Variants in CD59 observed in about 807,000 individuals in gnomAD.
CD59 encodes the protein CD59 glycoprotein.
In CD59, 3 loss-of-function variants were observed where a neutral mutation model predicts 7.0. That is an observed-to-expected ratio of 0.43 (90% confidence interval 0.19 to 1.10). CD59 has a LOEUF of 1.10. CD59 is among the 50% of genes least tolerant of loss of function. The pLI is 0.29. For missense variants in CD59, 143 were observed against 151.0 expected, an observed-to-expected ratio of 0.95 and a Z score of 0.28; for synonymous variants, 60 against 62.0, an observed-to-expected ratio of 0.97 and a Z score of 0.15.
intron 3 of CD59, among the ~76,000 whole-genome samples, chr11:33,716,860 C>T (rs1356200358): frequency 1.3e-5 from 2 of 152,194 alleles, no homozygotes; most frequent in East Asian, 3.9e-4. Context: ...CTTGAGTCTC[C>T]TCAGGACTCT....
rs1042713656 is a variant in CD59 at position 33,709,181 on chromosome 11, G to T, written c.*945C>A. On this transcript the variant is annotated 3_prime_UTR_variant, in exon 4 of 4. Transcript: ENST00000642928. The stretch of plus-strand genomic sequence containing the variant: ...GCTAGGAGTTAGCAGGAGGCTGGAT[G>T]CAGATGGTAAAACATACCCCTGCAG... 27 of 152,256 alleles carry T rather than the reference G, an allele frequency of 1.8e-4. No individual in the cohort carries two copies. The highest frequency in any genetic ancestry group is 6.5e-4 in the African/African-American group (27 of 41,460). 9.4% of individuals were successfully genotyped at this position (152,256 alleles called of 1,614,324 possible).
Position 33,717,447 on chromosome 11 carries a change from C to T in CD59, c.92G>A (p.Cys31Tyr), listed in dbSNP as rs1853848553. ...HSGHSLQCYNCPNPTADCKTA... is the reference protein window; with the variant it reads ...HSGHSLQCYNYPNPTADCKTA... ...TTTGCAGTCAGCAGTTGGGTTAGGA[C>T]AGTTGTAGCACTGCAGGCTATGACC... is the stretch of plus-strand genomic sequence containing the variant. Residue 31 changes from cysteine to tyrosine, a missense_variant, in exon 3 of 4, where the codon TGT becomes TAT. Coordinates refer to ENST00000642928, the MANE Select transcript of CD59 (RefSeq NM_000611.6). 6.2e-7 allele frequency: 1 copy of T among 1,612,108 alleles called. No homozygotes were observed. Among genetic ancestry groups the T allele is most frequent in the Non-Finnish European group, 8.5e-7 (1 of 1,178,288 alleles).
Position 33,708,526 on chromosome 11 carries a change from T to C in CD59, c.*1600A>G. The C allele has an allele frequency of 6.9e-6, 1 of 144,020 alleles. No homozygotes were observed. Among genetic ancestry groups the C allele is most frequent in the Non-Finnish European group, 1.5e-5 (1 of 66,454 alleles). The allele number at this position is 144,020 out of a possible 1,614,324, so 8.9% of individuals were successfully genotyped here. A position where few individuals can be genotyped will look rare whatever the true frequency, so the allele number is the denominator to read the frequency against. On this transcript the variant is annotated 3_prime_UTR_variant, in exon 4 of 4. Coordinates refer to ENST00000642928, the MANE Select transcript of CD59 (RefSeq NM_000611.6). ...TTAAATTCATCAAAATTGTTTCTCATTCCTTAGAACTCACATGAAATGAGC... is the reference window on the plus strand; with the variant it reads ...TTAAATTCATCAAAATTGTTTCTCACTCCTTAGAACTCACATGAAATGAGC...
intron 1 of CD59, chr11:33,722,885 G>T: frequency 1.0e-6 from 1 of 1,003,456 alleles, no homozygotes. Flanking sequence ...CATGCATTCA[G>T]CAGTGGAACA....
chr11:33,711,375 A>C (rs553505288), intron 3 of CD59: 2 of 701,322 alleles, frequency 2.9e-6, no homozygotes, highest in African/African-American at 3.5e-5. Context: ...CTACAATAAA[A>C]AGACTAACCC....
chr11:33,712,308 C>T (rs144200724), intron 3 of CD59, among the ~76,000 whole-genome samples: 83 of 152,262 alleles, frequency 5.5e-4, no homozygotes, highest in Non-Finnish European at 8.4e-4. Flanking sequence ...TTGAAAACTA[C>T]GTTCACACAC....
chr11:33,730,093 A>T (rs888629050), intron 1 of CD59, among the ~76,000 whole-genome samples: 1 of 152,164 alleles, frequency 6.6e-6, no homozygotes, highest in Non-Finnish European at 1.5e-5. Context: ...ATACTAGTCT[A>T]TTTTATCACT....
At chr11:33,727,691 A>G (rs1386907494) in intron 1 of CD59, among the ~76,000 whole-genome samples, 1 of 152,222 alleles carries the variant, frequency 6.6e-6, no homozygotes, top group East Asian at 1.9e-4. Flanking sequence ...GGCAACAGAA[A>G]GAAATAAAGG....
At chr11:33,710,441 T>A in intron 3 of CD59, 98 bp from the exon 4 acceptor site, 3 of 941,330 alleles carry the variant, frequency 3.2e-6, no homozygotes, top group Non-Finnish European at 3.4e-6. Context: ...CCTGTGCAAG[T>A]AGAGACTTCT....
intron 3 of CD59, among the ~76,000 whole-genome samples, chr11:33,710,821 G>GTGAT (rs1266631785): frequency 2.0e-5 from 3 of 150,922 alleles, no homozygotes; most frequent in African/African-American, 7.3e-5. Flanking sequence ...GCCTCCCAAA[G>GTGAT]TGATAGAATT....
intron 1 of CD59, among the ~76,000 whole-genome samples, chr11:33,728,307 T>C (rs1457806913): frequency 1.3e-5 from 2 of 152,214 alleles, no homozygotes. Context: ...AGCATGGTAC[T>C]GGTACCGAAA....
rs1853397988 is a variant in CD59 at position 33,708,384 on chromosome 11, C to T, written c.*1742G>A. On this transcript the variant is annotated 3_prime_UTR_variant, in exon 4 of 4. Transcript: ENST00000642928. ...CAAGATAGCAGTAAGCCAATCTCAT[C>T]CTAGAATCTCAATCCTGAGAGAGGC... The T allele has an allele frequency of 6.6e-6, 1 of 152,128 alleles. No individual in the cohort carries two copies. 9.4% of individuals were successfully genotyped at this position (152,128 alleles called of 1,614,324 possible). A position where few individuals can be genotyped will look rare whatever the true frequency, so the allele number is the denominator to read the frequency against.
intron 1 of CD59, among the ~76,000 whole-genome samples, chr11:33,728,733 C>A (rs1854329596): frequency 6.6e-6 from 1 of 152,188 alleles, no homozygotes; most frequent in South Asian, 2.1e-4. Flanking sequence ...AGTGAAAAGG[C>A]AACCTAAAGA....
chr11:33,714,368 C>T (rs1482348930), intron 3 of CD59, among the ~76,000 whole-genome samples: 1 of 152,098 alleles, frequency 6.6e-6, no homozygotes, highest in East Asian at 1.9e-4. Context: ...TAGAAAAATA[C>T]AGTAAAAATA....
At position 33,723,950 on chromosome 11, in the gene CD59, TA is replaced by T. The variant is rs908951990; in HGVS notation, c.-18-1488del. Among the ~76,000 whole-genome samples the T allele has an allele frequency of 9.9e-4, 149 of 151,154 alleles. 1 individual carries two copies. Among genetic ancestry groups the T allele is most frequent in the African/African-American group, 3.3e-3 (136 of 41,200 alleles). On this transcript the variant is annotated intron_variant, in intron 1 of 3. Coordinates refer to ENST00000642928, the MANE Select transcript of CD59 (RefSeq NM_000611.6). ...CCTGTCTCTACAAAAATAAAAACAT[TA>T]AAAAAAAATTAGACTGGTGTGGTGG...
intron 2 of CD59, chr11:33,717,679 C>A: frequency 1.8e-6 from 1 of 554,176 alleles, no homozygotes; most frequent in Non-Finnish European, 3.3e-6. Flanking sequence ...AAGGAAATAT[C>A]CACATTTGAA....
intron 1 of CD59, among the ~76,000 whole-genome samples, chr11:33,729,489 G>A (rs1383318129): frequency 6.6e-6 from 1 of 152,072 alleles, no homozygotes; most frequent in Admixed American, 6.5e-5. Flanking sequence ...GACACAGGGA[G>A]GGGAACATCA....
chr11:33,716,867 C>G (rs1379235257), intron 3 of CD59, among the ~76,000 whole-genome samples: 2 of 152,160 alleles, frequency 1.3e-5, no homozygotes, highest in Non-Finnish European at 2.9e-5. Flanking sequence ...CTCCTCAGGA[C>G]TCTGAATATA....
chr11:33,735,129 C>A (rs1484466091), intron 1 of CD59, among the ~76,000 whole-genome samples: 1 of 152,212 alleles, frequency 6.6e-6, no homozygotes, highest in Non-Finnish European at 1.5e-5. Context: ...TTTTGGCAAA[C>A]GTTGCCATCT....
Sources: gnomAD v4.1 joint callset for allele counts (sites outside exome capture counted in the v4.1 genomes callset) on GRCh38, gnomAD v4.1.1 for gene constraint, MANE v1.5 for transcripts, NCBI Gene and HGNC (gene_info 2026-07-23, HGNC 2026-07-21) for gene names.